The following HEATR5A variants were observed in gnomAD, a reference collection of about 807,000 sequenced individuals.
HEATR5A encodes HEAT repeat-containing protein 5A.
In HEATR5A, 178 loss-of-function variants were observed where a neutral mutation model predicts 218.8. That is an observed-to-expected ratio of 0.81 (90% confidence interval 0.72 to 0.92). HEATR5A has a LOEUF of 0.92. Ranked by LOEUF, HEATR5A falls within the 40% of genes least tolerant of loss-of-function variation. The pLI is 0.00. For missense variants in HEATR5A, 2,420 were observed against 2,418.9 expected, an observed-to-expected ratio of 1.00 and a Z score of -0.01; for synonymous variants, 864 against 871.6, an observed-to-expected ratio of 0.99 and a Z score of 0.15.
intron 2 of HEATR5A, among the ~76,000 whole-genome samples, chr14:31,401,235 TAGG>T (rs1262196546): frequency 6.6e-6 from 1 of 152,042 alleles, no homozygotes; most frequent in African/African-American, 2.4e-5. Context: ...AGGGGCCTGC[TAGG>T]AGGTGATTAG....
At chr14:31,411,048 A>T (rs1566786497) in intron 1 of HEATR5A, among the ~76,000 whole-genome samples, 3 of 152,210 alleles carry the variant, frequency 2.0e-5, no homozygotes, top group South Asian at 4.1e-4. Context: ...TTAAATCTAA[A>T]TATGAAAAAT....
chr14:31,312,133 G>C (rs1244210441), intron 28 of HEATR5A, among the ~76,000 whole-genome samples: 1 of 152,182 alleles, frequency 6.6e-6, no homozygotes, highest in Non-Finnish European at 1.5e-5. Flanking sequence ...GGAGAAACAA[G>C]AAAGTTGAGT....
intron 2 of HEATR5A, among the ~76,000 whole-genome samples, chr14:31,401,664 T>C (rs936302480): frequency 6.6e-6 from 1 of 152,230 alleles, no homozygotes; most frequent in South Asian, 2.1e-4. Flanking sequence ...TAACTTGGTC[T>C]ATAAGCATGC....
chr14:31,328,011 T>C (rs1316608744), intron 22 of HEATR5A, among the ~76,000 whole-genome samples: 3 of 152,176 alleles, frequency 2.0e-5, no homozygotes, highest in Admixed American at 1.3e-4. Context: ...TGGAGTACAG[T>C]GGCACAATCT....
chr14:31,373,831 A>G (rs942948331), intron 12 of HEATR5A, among the ~76,000 whole-genome samples: 3 of 152,040 alleles, frequency 2.0e-5, no homozygotes, highest in African/African-American at 7.2e-5. Context: ...CAGTGAGAGA[A>G]GTAGATCAAC....
intron 22 of HEATR5A, among the ~76,000 whole-genome samples, chr14:31,328,733 A>G (rs531872643): frequency 2.6e-5 from 4 of 152,044 alleles, no homozygotes; most frequent in Admixed American, 2.6e-4. Context: ...ACAAAAAATT[A>G]GCCAGGCATG....
intron 1 of HEATR5A, among the ~76,000 whole-genome samples, chr14:31,416,630 C>T (rs1386151372): frequency 6.6e-6 from 1 of 151,508 alleles, no homozygotes; most frequent in Non-Finnish European, 1.5e-5. Flanking sequence ...GAAAAAAAAG[C>T]CCAAGCATGA....
At chr14:31,400,838 A>T (rs979252661) in intron 2 of HEATR5A, among the ~76,000 whole-genome samples, 38 of 92,140 alleles carry the variant, frequency 4.1e-4, no homozygotes, top group Admixed American at 2.6e-3. Context: ...TATTATTATT[A>T]TTATTGTTTT....
intron 21 of HEATR5A, among the ~76,000 whole-genome samples, chr14:31,337,816 T>C (rs1462297341): frequency 6.6e-6 from 1 of 152,182 alleles, no homozygotes; most frequent in Non-Finnish European, 1.5e-5. Context: ...TAATAGGTAA[T>C]ATGTGTACTA....
intron 24 of HEATR5A, 38 bp from the exon 25 acceptor site, chr14:31,321,718 T>G (rs773188834): frequency 3.5e-5 from 50 of 1,444,902 alleles, no homozygotes; most frequent in African/African-American, 1.6e-4. Context: ...AAAAAAAGAT[T>G]AGAAAATATC....
chr14:31,336,253 T>A (rs1330483911), intron 22 of HEATR5A, among the ~76,000 whole-genome samples: 2 of 103,074 alleles, frequency 1.9e-5, no homozygotes, highest in Non-Finnish European at 1.9e-5. Flanking sequence ...TATATATATA[T>A]ATATATATAT....
chr14:31,412,135 C>A (rs906015080), intron 1 of HEATR5A, among the ~76,000 whole-genome samples: 2 of 151,990 alleles, frequency 1.3e-5, no homozygotes, highest in Non-Finnish European at 2.9e-5. Context: ...GGATTACAGG[C>A]GTTGAGTCAC....
At position 31,291,837 on chromosome 14, in the gene HEATR5A, G is replaced by GTGT. The variant is rs1899043811; in HGVS notation, c.*1465_*1467dup. 6.6e-6 allele frequency: 1 copy of GTGT among 152,334 alleles called. No individual in the cohort carries two copies. Among genetic ancestry groups the GTGT allele is most frequent in the Non-Finnish European group, 1.5e-5 (1 of 68,032 alleles). 9.4% of individuals were successfully genotyped at this position (152,334 alleles called of 1,614,324 possible). On this transcript the variant is annotated 3_prime_UTR_variant, in exon 36 of 36. Transcript: ENST00000543095. ...ATGTAATTTAGAAAAAATGATTGTA[G>GTGT]TGTTAGAGTTTGTCAAATGTTTTCA...
At position 31,387,246 on chromosome 14, in the gene HEATR5A, C is replaced by A; in HGVS notation, c.1063G>T (p.Val355Phe). 6.2e-7 allele frequency: 1 copy of A among 1,613,880 alleles called. No homozygotes were observed. The highest frequency in any genetic ancestry group is 8.5e-7 in the Non-Finnish European group (1 of 1,179,872). Residue 355 changes from valine (V) to phenylalanine (F), a missense_variant, in exon 8 of 36, where the codon GTC (valine) becomes TTC (phenylalanine). Coordinates refer to ENST00000543095, the MANE Select transcript of HEATR5A (RefSeq NM_015473.4). ...PKATQTQIDA[V>F]CCRRCVSFIL... is the part of the protein sequence containing the mutation. Reference sequence around the variant, plus strand: ...AATGAAACACAACGGCGACAGCAGACGGCATCGATCTGAGTTTGGGTGGCT... The same window carrying A: ...AATGAAACACAACGGCGACAGCAGAAGGCATCGATCTGAGTTTGGGTGGCT...
At position 31,394,167 on chromosome 14, in the gene HEATR5A, C is replaced by A. The variant is rs1022568739; in HGVS notation, c.657G>T (p.Val219=). 5.2e-6 allele frequency: 8 copies of A among 1,534,698 alleles called. No individual in the cohort carries two copies. Among genetic ancestry groups the A allele is most frequent in the Non-Finnish European group, 7.0e-6 (8 of 1,145,900 alleles). The change falls in exon 6 of 36, where the codon GTG becomes GTT. Residue 219 remains valine, a synonymous_variant. Transcript: ENST00000543095. ...CAAAGGACTTAAAACACAGTGTGGC[C>A]ACACTGTCCAGGTCCGTACTCCACA... is the stretch of plus-strand genomic sequence containing the variant. The part of the protein sequence containing the change: ...IFMWSTDLDS[V]ATLCFKSFEG...
intron 20 of HEATR5A, 68 bp downstream of exon 20, chr14:31,345,019 T>C (rs1900975872): frequency 7.5e-7 from 1 of 1,326,044 alleles, no homozygotes; most frequent in Admixed American, 2.2e-5. Context: ...GCATACAGAC[T>C]AGGAACTGAA....
chr14:31,335,155 C>G (rs867002715), intron 22 of HEATR5A, among the ~76,000 whole-genome samples: 1 of 151,860 alleles, frequency 6.6e-6, no homozygotes, highest in Non-Finnish European at 1.5e-5. Context: ...GCTTTTTTAG[C>G]CATAATGCTA....
chr14:31,313,599 C>A (rs1211369373), intron 27 of HEATR5A, among the ~76,000 whole-genome samples: 1 of 152,128 alleles, frequency 6.6e-6, no homozygotes, highest in African/African-American at 2.4e-5. Flanking sequence ...AAAGTGTACA[C>A]AAATAGATTT....
intron 4 of HEATR5A, among the ~76,000 whole-genome samples, chr14:31,398,354 G>C (rs958315622): frequency 6.6e-6 from 1 of 152,124 alleles, no homozygotes; most frequent in Non-Finnish European, 1.5e-5. Flanking sequence ...CAGTTGCACT[G>C]GCACCAGTTA....
Sources: allele counts gnomAD v4.1 joint callset (sites outside exome capture counted in the v4.1 genomes callset), GRCh38; gene constraint gnomAD v4.1.1; transcripts MANE v1.5; gene names NCBI Gene and HGNC (gene_info 2026-07-23, HGNC 2026-07-21).